The following CSF2RA variants were observed in gnomAD, a reference collection of about 807,000 sequenced individuals.
CSF2RA encodes the protein colony stimulating factor 2 receptor subunit alpha, also known as granulocyte-macrophage colony-stimulating factor receptor subunit alpha.
Under a neutral mutation model 51.6 loss-of-function variants are expected in CSF2RA, and 42 were observed. The observed-to-expected ratio is 0.81, with a 90% CI of 0.64 to 1.05. The LOEUF (loss-of-function observed/expected upper bound fraction) is 1.05, where lower values mean the gene tolerates loss of function less well. CSF2RA is among the 50% of genes least tolerant of loss of function. The probability of loss-of-function intolerance (pLI) is 0.00; values close to 1 mark genes in which losing one functional copy is unlikely to be tolerated. For missense variants in CSF2RA, 530 were observed against 501.1 expected (o/e 1.06, Z -0.55); for synonymous variants, 222 against 193.0 (o/e 1.15, Z -1.24).
intron 1 of CSF2RA, among the ~76,000 whole-genome samples, chrX:1,273,351 T>C (rs1304746422): frequency 6.6e-6 from 1 of 151,920 alleles, no homozygotes; most frequent in Non-Finnish European, 1.5e-5. Flanking sequence ...TCATTCTGTT[T>C]CCAAGGCTGG....
chrX:1,302,062 G>A (rs191145721), intron 10 of CSF2RA, among the ~76,000 whole-genome samples: 2,803 of 151,310 alleles, frequency 0.019, 96 homozygotes, highest in African/African-American at 0.066. Flanking sequence ...GATTACAGGC[G>A]CCCGCCACCA....
chrX:1,314,895 A>AACCCCATGGC (rs2084477629), downstream of CSF2RA, among the ~76,000 whole-genome samples: 2 of 12,610 alleles, frequency 1.6e-4, 1 homozygote, highest in African/African-American at 5.7e-4. Flanking sequence ...AACCACACTG[A>AACCCCATGGC]ACCTGCTCAA....
At chrX:1,294,616 A>C (rs1280243960) in intron 8 of CSF2RA, among the ~76,000 whole-genome samples, 155 bp downstream of exon 8, 1 of 152,088 alleles carries the variant, frequency 6.6e-6, no homozygotes, top group Admixed American at 6.6e-5. Flanking sequence ...TAGCGGAGGA[A>C]GAGGTGAAGG....
intron 10 of CSF2RA, 52 bp from the exon 11 acceptor site, chrX:1,303,871 T>A: frequency 6.9e-7 from 1 of 1,440,798 alleles, no homozygotes; most frequent in South Asian, 1.1e-5. Flanking sequence ...TAATTTCCTT[T>A]CACATGTCCG....
At position 1,273,476 on chromosome X, in the gene CSF2RA, A is replaced by G. The variant is rs571393552; in HGVS notation, c.-90-1279A>G. On this transcript the variant is annotated intron_variant, in intron 1 of 12. Coordinates refer to ENST00000381529, the MANE Select transcript of CSF2RA (RefSeq NM_172245.4). ...GTAATATGCATGAGCCATCGTGCCC[A>G]GATAATTGTTTTTTGTTTTTTGTTT... Among the ~76,000 whole-genome samples the G allele has an allele frequency of 1.3e-5, 2 of 151,646 alleles. 1 individual carries two copies. The highest frequency in any genetic ancestry group is 4.8e-5 in the African/African-American group (2 of 41,398).
At chrX:1,274,996 T>G (rs1339447529) in intron 2 of CSF2RA, among the ~76,000 whole-genome samples, 178 bp downstream of exon 2, 2 of 151,112 alleles carry the variant, frequency 1.3e-5, no homozygotes, top group South Asian at 4.2e-4. Context: ...ACATGTCACG[T>G]TCCCTCTGAG....
intron 9 of CSF2RA, among the ~76,000 whole-genome samples, chrX:1,298,940 A>C (rs1383097935): frequency 6.6e-6 from 1 of 151,300 alleles, no homozygotes; most frequent in Non-Finnish European, 1.5e-5. Flanking sequence ...TGAACCACTC[A>C]CAACCCTAGC....
rs761160075 is a variant in CSF2RA, at chrX:1,294,422, G to A, written c.741G>A (p.Ser247=). The A allele has an allele frequency of 9.9e-6, 16 of 1,613,746 alleles. No individual in the cohort carries two copies. Among genetic ancestry groups the A allele is most frequent in the South Asian group, 4.4e-5 (4 of 91,072 alleles). The change falls in exon 8 of 13, where the codon TCG becomes TCA. Residue 247 remains serine, a synonymous_variant. Transcript: ENST00000381529. ...WKQPRTYQKL[S]YLDFQYQLDV... is the part of the protein sequence containing the mutation. ...AGCCCAGGACCTATCAGAAGCTGTC[G>A]TACCTGGACTTTCAGTACCAGCTGG...
At chrX:1,278,358 G>T (rs1362908495) in intron 2 of CSF2RA, among the ~76,000 whole-genome samples, 1 of 148,778 alleles carries the variant, frequency 6.7e-6, no homozygotes, top group Non-Finnish European at 1.5e-5. Flanking sequence ...TTCAGGGCGA[G>T]CAAGTTTATT....
intron 7 of CSF2RA, among the ~76,000 whole-genome samples, chrX:1,291,564 G>A (rs1439783451): frequency 6.6e-6 from 1 of 151,770 alleles, no homozygotes; most frequent in Admixed American, 6.6e-5. Context: ...CATCCCACCC[G>A]TGGACTCCTT....
chrX:1,291,894 C>G (rs1408978325), intron 7 of CSF2RA, among the ~76,000 whole-genome samples: 1 of 143,900 alleles, frequency 6.9e-6, no homozygotes, highest in Non-Finnish European at 1.5e-5. Context: ...CCACGTCCAC[C>G]TGGACCCAGT....
chrX:1,320,804 C>A, the CSF2RA span, among the ~76,000 whole-genome samples: 3 of 151,002 alleles, frequency 2.0e-5, no homozygotes, highest in Admixed American at 6.6e-5. Context: ...AGCCACTGCA[C>A]CCAGCCTGTT....
intron 10 of CSF2RA, 69 bp from the exon 11 acceptor site, chrX:1,303,854 A>C: frequency 5.6e-5 from 74 of 1,317,510 alleles, no homozygotes; most frequent in Non-Finnish European, 7.0e-5. Flanking sequence ...GGACACCCGA[A>C]GAGATTTAAT....
At chrX:1,321,564 G>C in the CSF2RA span, among the ~76,000 whole-genome samples, 1 of 145,226 alleles carries the variant, frequency 6.9e-6, no homozygotes, top group Non-Finnish European at 1.5e-5. Flanking sequence ...GACAGAGCGA[G>C]ACTCCATCTC....
At chrX:1,296,125 A>G (rs1216829740) in intron 9 of CSF2RA, among the ~76,000 whole-genome samples, 1 of 148,864 alleles carries the variant, frequency 6.7e-6, no homozygotes, top group East Asian at 2.0e-4. Context: ...GCATAAACCT[A>G]CAGTCCCCTA....
chrX:1,290,655 G>C, intron 7 of CSF2RA, 146 bp downstream of exon 7: 1 of 837,458 alleles, frequency 1.2e-6, no homozygotes, highest in Non-Finnish European at 2.1e-6. Context: ...ACCTGAGATC[G>C]GGTGTTCAAA....
chrX:1,314,879 C>T (rs1306712575), downstream of CSF2RA, among the ~76,000 whole-genome samples: 29 of 77,348 alleles, frequency 3.7e-4, no homozygotes, highest in South Asian at 1.3e-3. Flanking sequence ...CGCACTGCAC[C>T]TGCCCAACCA....
Position 1,282,566 on chromosome X carries a change from C to A in CSF2RA, c.-26-112C>A. 4.9e-6 allele frequency: 4 copies of A among 810,962 alleles called. No individual in the cohort carries two copies. The South Asian group carries it at 5.4e-5, about 11-fold the overall frequency. 50.2% of individuals were successfully genotyped at this position (810,962 alleles called of 1,614,324 possible). A position where few individuals can be genotyped will look rare whatever the true frequency, so the allele number is the denominator to read the frequency against. On this transcript the variant is annotated intron_variant, in intron 2 of 12. Transcript: ENST00000381529. ...ATGACCCCTCATTTGACCAGGTCAG[C>A]GGCTGACCACCATCCTGGGTTTGTT...
chrX:1,305,650 G>A (rs367954320), intron 12 of CSF2RA, 123 bp downstream of exon 12: 295 of 1,607,770 alleles, frequency 1.8e-4, no homozygotes, highest in South Asian at 2.1e-4. Context: ...CGTCACCACC[G>A]GTGTGGCTGG....
Sources: allele counts gnomAD v4.1 joint callset (sites outside exome capture counted in the v4.1 genomes callset), GRCh38; gene constraint gnomAD v4.1.1; transcripts MANE v1.5; gene names NCBI Gene and HGNC (gene_info 2026-07-23, HGNC 2026-07-21).